Variants in ABCG8 observed in about 807,000 individuals in gnomAD.
The protein encoded by ABCG8 is ATP binding cassette subfamily G member 8.
ABCG8 carries 81 observed loss-of-function variants against 71.3 expected under a neutral mutation model. The observed-to-expected ratio is 1.14, with a 90% confidence interval of 0.95 to 1.37. The LOEUF (loss-of-function observed/expected upper bound fraction) is 1.37. ABCG8 is among the 40% of genes most tolerant of loss of function. ABCG8 has a pLI of 0.00. For synonymous variants in ABCG8, 451 were observed against 354.7 expected (o/e 1.27, Z -3.05); for missense variants, 1,119 against 866.2 (o/e 1.29, Z -3.66).
intron 6 of ABCG8, among the ~76,000 whole-genome samples, chr2:43,864,096 C>T (rs1225760347): frequency 4.6e-5 from 7 of 151,334 alleles, no homozygotes; most frequent in African/African-American, 1.5e-4. Flanking sequence ...CTGGGTAGAA[C>T]TCTCACTATC....
intron 1 of ABCG8, among the ~76,000 whole-genome samples, chr2:43,839,448 A>T (rs1273370267): frequency 9.2e-5 from 5 of 54,598 alleles, no homozygotes; most frequent in Non-Finnish European, 1.5e-4. Context: ...TTTTTTTGAG[A>T]CGGAGTCTCG....
chr2:43,846,489 T>A, intron 3 of ABCG8, 178 bp downstream of exon 3: 1 of 905,770 alleles, frequency 1.1e-6, no homozygotes. Context: ...GCTCCTCCAT[T>A]TGCTGGCTTG....
At chr2:43,871,889 T>A (rs930931525) in intron 6 of ABCG8, 87 bp from the exon 7 acceptor site, 1 of 1,582,352 alleles carries the variant, frequency 6.3e-7, no homozygotes, top group African/African-American at 1.3e-5. Context: ...GTGATCAGCA[T>A]TGTGAGCTGG....
At chr2:43,874,514 CCCA>C (rs751918121) in intron 10 of ABCG8, 31 bp downstream of exon 10, 7 of 1,561,230 alleles carry the variant, frequency 4.5e-6, no homozygotes, top group Non-Finnish European at 6.2e-6. Context: ...GCAAGTGCCC[CCCA>C]CCCACCAGGG....
chr2:43,845,120 A>AT (rs57568822), intron 2 of ABCG8, among the ~76,000 whole-genome samples: 4,457 of 138,566 alleles, frequency 0.032, 58 homozygotes, highest in African/African-American at 0.047. Flanking sequence ...ATATATATAT[A>AT]ATTTTTTTTT....
At chr2:43,865,873 C>G (rs950946637) in intron 6 of ABCG8, among the ~76,000 whole-genome samples, 3 of 152,112 alleles carry the variant, frequency 2.0e-5, no homozygotes, top group Non-Finnish European at 4.4e-5. Flanking sequence ...GGATAGAATT[C>G]TCACTATCTG....
rs139902223 is a variant in ABCG8 at position 43,872,265 on chromosome 2, G to A, written c.1170G>A (p.Thr390=). Residue 390 remains threonine, a synonymous_variant, in exon 8 of 13, where the codon ACG becomes ACA. Coordinates refer to ENST00000272286, the MANE Select transcript of ABCG8 (RefSeq NM_022437.3). The stretch of plus-strand genomic sequence containing the variant: ...ACACCAACTGCCTCCCGAGTCCTAC[G>A]AAGATGCCTGGGGCGGTGCAGCAGT... ...PLDTNCLPSP[T]KMPGAVQQFT... 3.2e-4 allele frequency: 511 copies of A among 1,613,948 alleles called. 3 individuals are homozygous for A. In the African/African-American group the frequency reaches 5.9e-3, roughly 19 times the overall value.
At chr2:43,867,194 T>C (rs571752308) in intron 6 of ABCG8, among the ~76,000 whole-genome samples, 2 of 92,694 alleles carry the variant, frequency 2.2e-5, no homozygotes, top group African/African-American at 4.3e-5. Flanking sequence ...TGGGGACTGT[T>C]GTGGGGTGGG....
chr2:43,855,586 C>G (rs888632760), intron 6 of ABCG8, among the ~76,000 whole-genome samples: 8 of 152,218 alleles, frequency 5.3e-5, no homozygotes, highest in African/African-American at 1.9e-4. Context: ...AGAACTCTCA[C>G]TATCTATCTA....
chr2:43,868,911 T>C (rs1363369210), intron 6 of ABCG8, among the ~76,000 whole-genome samples: 1 of 151,750 alleles, frequency 6.6e-6, no homozygotes, highest in Non-Finnish European at 1.5e-5. Flanking sequence ...CTGGATAGAA[T>C]TCTCACTCTG....
At chr2:43,874,581 G>A (rs1669897233) in intron 10 of ABCG8, 98 bp downstream of exon 10, 1 of 991,220 alleles carries the variant, frequency 1.0e-6, no homozygotes, top group Non-Finnish European at 1.6e-6. Flanking sequence ...CTGAACCATG[G>A]GGCCGTGGGT....
Position 43,844,526 on chromosome 2 carries a change from TCTC to T in ABCG8, c.87_89del (p.Ser30del). 1 of 1,614,166 alleles carries T rather than the reference TCTC, an allele frequency of 6.2e-7. No individual in the cohort carries two copies. The highest frequency in any genetic ancestry group is 8.5e-7 in the Non-Finnish European group (1 of 1,180,008). ...CCACAGGGCCTCCAGGATAGATTGT[TCTC>T]CTCTGAAAGTGACAACAGCCTGTAC... On this transcript the variant is annotated inframe_deletion, in exon 2 of 13. Transcript: ENST00000272286.
Position 43,845,412 on chromosome 2 carries a change from C to G in ABCG8, c.166-743C>G, listed in dbSNP as rs79063122. Among the ~76,000 whole-genome samples the G allele has an allele frequency of 5.1e-3, 779 of 152,190 alleles. 8 individuals are homozygous for G. Among genetic ancestry groups the G allele is most frequent in the African/African-American group, 0.017 (692 of 41,518 alleles). On this transcript the variant is annotated intron_variant, in intron 2 of 12. Transcript: ENST00000272286. ...AGCAAGTTGCTTAACTGCCCTGAGC[C>G]TCATCTGTAAAACAAGGATTCTGAG...
intron 11 of ABCG8, 24 bp downstream of exon 11, chr2:43,875,437 G>A (rs765724692): frequency 1.2e-6 from 2 of 1,608,012 alleles, no homozygotes; most frequent in South Asian, 1.1e-5. Flanking sequence ...CCGGGGCCTG[G>A]GCCAGCTTTG....
chr2:43,871,783 G>C (rs896530348), intron 6 of ABCG8, among the ~76,000 whole-genome samples, 193 bp from the exon 7 acceptor site: 4 of 152,212 alleles, frequency 2.6e-5, no homozygotes, highest in Non-Finnish European at 5.9e-5. Context: ...GCCTGGCAGG[G>C]TGAAGGACCA....
chr2:43,864,190 C>T (rs1381481062), intron 6 of ABCG8, among the ~76,000 whole-genome samples: 2 of 151,576 alleles, frequency 1.3e-5, no homozygotes, highest in African/African-American at 4.8e-5. Context: ...CTCTCACTCT[C>T]TCTATATATA....
At chr2:43,839,403 C>T (rs1412574473) in intron 1 of ABCG8, among the ~76,000 whole-genome samples, 1 of 59,294 alleles carries the variant, frequency 1.7e-5, no homozygotes, top group Non-Finnish European at 3.2e-5. Context: ...CTTTTCTTCT[C>T]TTTTTTTTTT....
intron 6 of ABCG8, among the ~76,000 whole-genome samples, chr2:43,860,224 A>C (rs1375679846): frequency 1.4e-5 from 2 of 145,894 alleles, no homozygotes; most frequent in Admixed American, 6.8e-5. Context: ...TAAAACTCTC[A>C]CTCTCTGGTA....
At chr2:43,860,090 A>G (rs986814315) in intron 6 of ABCG8, among the ~76,000 whole-genome samples, 3 of 135,854 alleles carry the variant, frequency 2.2e-5, no homozygotes, top group Non-Finnish European at 3.3e-5. Flanking sequence ...TCTGGACAGA[A>G]CTCTGAGTAT....
Sources: gnomAD v4.1 joint callset for allele counts (sites outside exome capture counted in the v4.1 genomes callset) on GRCh38, gnomAD v4.1.1 for gene constraint, MANE v1.5 for transcripts, NCBI Gene and HGNC (gene_info 2026-07-23, HGNC 2026-07-21) for gene names.